The following EXOC1 variants were observed in gnomAD, a reference collection of about 807,000 sequenced individuals.
EXOC1 encodes the protein exocyst complex component 1.
A neutral mutation model predicts 107.7 loss-of-function variants in EXOC1; 67 were observed. The observed-to-expected ratio is 0.62, with a 90% CI of 0.51 to 0.76. The LOEUF is 0.76. Among genes scored for constraint, EXOC1 ranks in the 30% least tolerant of loss-of-function variants. The pLI is 0.00. For synonymous variants in EXOC1, 348 were observed against 353.5 expected, an observed-to-expected ratio of 0.98 and a Z score of 0.17; for missense variants, 833 against 1,055.7, an observed-to-expected ratio of 0.79 and a Z score of 2.92.
chr4:55,877,104 G>T (rs977279423), intron 8 of EXOC1: 12 of 977,104 alleles, frequency 1.2e-5, no homozygotes, highest in Non-Finnish European at 1.5e-5. Flanking sequence ...TTAGGTGAAA[G>T]AAATCCCTTT....
intron 2 of EXOC1, among the ~76,000 whole-genome samples, 170 bp downstream of exon 2, chr4:55,858,617 G>A (rs1171983632): frequency 6.6e-6 from 1 of 152,106 alleles, no homozygotes; most frequent in Non-Finnish European, 1.5e-5. Flanking sequence ...TGTCAATCTG[G>A]TGGCAGTGAA....
chr4:55,863,750 A>G (rs1031452384), intron 3 of EXOC1, among the ~76,000 whole-genome samples: 2 of 152,234 alleles, frequency 1.3e-5, no homozygotes, highest in Non-Finnish European at 2.9e-5. Flanking sequence ...GTACACCAGG[A>G]TATACATTGC....
intron 3 of EXOC1, among the ~76,000 whole-genome samples, chr4:55,863,926 A>G (rs1054867975): frequency 6.6e-6 from 1 of 152,240 alleles, no homozygotes; most frequent in African/African-American, 2.4e-5. Context: ...GACCATTGTC[A>G]TCTTACTGAT....
intron 8 of EXOC1, among the ~76,000 whole-genome samples, chr4:55,874,433 A>G (rs188160214): frequency 3.1e-3 from 469 of 152,256 alleles, no homozygotes; most frequent in Non-Finnish European, 4.0e-3. Flanking sequence ...TTTTGGCACT[A>G]AAAGAATAAG....
At chr4:55,875,968 A>G (rs1267610351) in intron 8 of EXOC1, 1 of 950,784 alleles carries the variant, frequency 1.1e-6, no homozygotes, top group African/African-American at 1.8e-5. Flanking sequence ...AAACTATAAT[A>G]TCTATATCTG....
rs112233016 is a variant in EXOC1 at position 55,871,895 on chromosome 4, T to G, written c.1011T>G (p.Ser337Arg). 222 of 1,613,848 alleles carry G rather than the reference T, an allele frequency of 1.4e-4. 4 individuals carry two copies. In the African/African-American group the frequency reaches 2.6e-3, roughly 19 times the overall value. Residue 337 changes from serine to arginine, a missense_variant, in exon 8 of 19, where the codon AGT becomes AGG. This residue lies in a region of EXOC1 where 617 missense variants were observed against 701.3 expected (regional missense o/e 0.88). Transcript: ENST00000381295. ...TCAAACAGCAACAGCAGCGATTCAG[T>G]GATTTGCGAGAGCTTTTTGCCCGGA... ...LAVKQQQQRF[S>R]DLRELFARRL...
intron 3 of EXOC1, among the ~76,000 whole-genome samples, chr4:55,861,371 TCA>T (rs1373656209): frequency 1.3e-5 from 2 of 152,266 alleles, no homozygotes; most frequent in East Asian, 1.9e-4. Context: ...TCTACAAATC[TCA>T]TACATTTACT....
chr4:55,896,671 A>T, intron 15 of EXOC1, 46 bp from the exon 16 acceptor site: 1 of 1,470,760 alleles, frequency 6.8e-7, no homozygotes, highest in Non-Finnish European at 9.1e-7. Context: ...ATGTAGTTTT[A>T]AAGTTGCTTG....
At chr4:55,891,182 T>C in intron 12 of EXOC1, 133 bp from the exon 13 acceptor site, 1 of 622,248 alleles carries the variant, frequency 1.6e-6, no homozygotes, top group East Asian at 2.7e-5. Context: ...TGGGATTCCA[T>C]TGAGATTATA....
intron 2 of EXOC1, among the ~76,000 whole-genome samples, chr4:55,859,644 C>T (rs1721296984): frequency 6.6e-6 from 1 of 152,074 alleles, no homozygotes; most frequent in Admixed American, 6.5e-5. Flanking sequence ...AGGAGAATGA[C>T]TTCATTTTCA....
intron 10 of EXOC1, among the ~76,000 whole-genome samples, chr4:55,888,338 G>A (rs1417038772): frequency 6.6e-6 from 1 of 152,096 alleles, no homozygotes; most frequent in Non-Finnish European, 1.5e-5. Flanking sequence ...CAGTGATTAA[G>A]TAATTCAGCT....
intron 10 of EXOC1, among the ~76,000 whole-genome samples, chr4:55,886,425 C>T (rs1723879860): frequency 1.3e-5 from 2 of 151,832 alleles, no homozygotes; most frequent in Admixed American, 6.6e-5. Context: ...TGGTGACATG[C>T]ACCTGTGGTC....
intron 4 of EXOC1, among the ~76,000 whole-genome samples, chr4:55,867,306 G>A (rs1722042906): frequency 6.6e-6 from 1 of 152,116 alleles, no homozygotes; most frequent in Non-Finnish European, 1.5e-5. Flanking sequence ...TGTACCAAAA[G>A]TTTTAGTCTT....
chr4:55,871,670 C>T (rs1038693394), intron 7 of EXOC1, among the ~76,000 whole-genome samples, 179 bp from the exon 8 acceptor site: 3 of 152,112 alleles, frequency 2.0e-5, no homozygotes, highest in Non-Finnish European at 4.4e-5. Flanking sequence ...GAGGCAAGAC[C>T]ACACTTTGAG....
intron 4 of EXOC1, 149 bp from the exon 5 acceptor site, chr4:55,868,185 GTT>G: frequency 2.2e-6 from 1 of 453,990 alleles, no homozygotes; most frequent in Non-Finnish European, 3.6e-6. Context: ...TAAAAATAAA[GTT>G]TGATTTTTTC....
chr4:55,862,115 G>A (rs551710631), intron 3 of EXOC1, among the ~76,000 whole-genome samples: 5 of 152,154 alleles, frequency 3.3e-5, no homozygotes, highest in Non-Finnish European at 7.4e-5. Flanking sequence ...GAGGGATCAA[G>A]AGTGGAAACT....
chr4:55,890,307 C>G lies in EXOC1; in HGVS notation c.1460C>G (p.Ser487Cys). ...LSVQSSGNRRSQSSSLLDMGN... is the reference protein window; with the variant it reads ...LSVQSSGNRRCQSSSLLDMGN... ...GTTCAGAGTTCAGGGAATCGCAGAT[C>G]TCAGTCATCTTCCCTGTTGGATATG... The change falls in exon 12 of 19, where the codon TCT becomes TGT. Residue 487 changes from serine (S) to cysteine (C), a missense_variant. Physicochemically the swap from Ser to Cys is moderately radical, Grantham distance 112. Transcript: ENST00000381295. The G allele has an allele frequency of 6.2e-7, 1 of 1,614,010 alleles. No homozygotes were observed. The highest frequency in any genetic ancestry group is 8.5e-7 in the Non-Finnish European group (1 of 1,179,940).
In EXOC1 at chr4:55,904,554, C is replaced by G; in HGVS notation, c.*59C>G. Reference sequence around the variant, plus strand: ...GCATTTGAGTATAACAGACACTATACCAAAATACCAAGCAACTGTTTTGAG... The same window carrying G: ...GCATTTGAGTATAACAGACACTATAGCAAAATACCAAGCAACTGTTTTGAG... On this transcript the variant is annotated 3_prime_UTR_variant, in exon 19 of 19. Coordinates refer to ENST00000381295, the MANE Select transcript of EXOC1 (RefSeq NM_001024924.2). 1 of 1,466,300 alleles carries G rather than the reference C, an allele frequency of 6.8e-7. No individual in the cohort carries two copies. The highest frequency in any genetic ancestry group is 1.5e-5 in the South Asian group (1 of 68,448). The allele number at this position is 1,466,300 out of a possible 1,614,324, so 90.8% of individuals were successfully genotyped here. A position where few individuals can be genotyped will look rare whatever the true frequency, so the allele number is the denominator to read the frequency against.
chr4:55,898,004 G>A (rs1057222862), intron 16 of EXOC1, among the ~76,000 whole-genome samples: 2 of 152,088 alleles, frequency 1.3e-5, no homozygotes, highest in African/African-American at 4.8e-5. Context: ...ACCTGTAATC[G>A]CAGCACTTTG....
Sources: allele counts gnomAD v4.1 joint callset (sites outside exome capture counted in the v4.1 genomes callset), GRCh38; gene constraint gnomAD v4.1.1; regional missense constraint gnomAD v4.1.1; transcripts MANE v1.5; gene names NCBI Gene and HGNC (gene_info 2026-07-23, HGNC 2026-07-21).